The following DIP2B variants were observed in gnomAD, a reference collection of about 807,000 sequenced individuals.
DIP2B encodes disco-interacting protein 2 homolog B.
A neutral mutation model predicts 198.0 loss-of-function variants in DIP2B; 76 were observed. The observed-to-expected ratio is 0.38, with a 90% CI of 0.32 to 0.46. DIP2B has a LOEUF of 0.46. Ranked by LOEUF, DIP2B falls within the 20% of genes least tolerant of loss-of-function variation. DIP2B has a pLI of 0.99. For missense variants in DIP2B, 1,559 were observed against 1,978.4 expected (o/e 0.79, Z 4.02); for synonymous variants, 701 against 739.1 (o/e 0.95, Z 0.84).
At chr12:50,566,217 T>A (rs2139402627) in intron 1 of DIP2B, among the ~76,000 whole-genome samples, 1 of 152,194 alleles carries the variant, frequency 6.6e-6, no homozygotes, top group East Asian at 1.9e-4. Flanking sequence ...TAATTTGTTT[T>A]TTTGTAAAGT....
At chr12:50,555,857 T>C (rs1439484453) in intron 1 of DIP2B, among the ~76,000 whole-genome samples, 2 of 152,106 alleles carry the variant, frequency 1.3e-5, no homozygotes, top group Non-Finnish European at 2.9e-5. Flanking sequence ...TCTCCTGTGC[T>C]TCTCTGCTTC....
Position 50,733,488 on chromosome 12 carries a change from GACC to G in DIP2B, c.3982-645_3982-643del, listed in dbSNP as rs1309772870. 2.0e-5 allele frequency among the ~76,000 whole-genome samples: 3 copies of G among 152,194 alleles called. No homozygotes were observed. In the East Asian group the frequency reaches 5.8e-4, roughly 29 times the overall value. ...GGATTGCTTGAGCCCTGAAGTTTGAGACCAGCCTGGGCAACATAGTTGAGACCT... is the reference window on the plus strand; with the variant it reads ...GGATTGCTTGAGCCCTGAAGTTTGAGAGCCTGGGCAACATAGTTGAGACCT... On this transcript the variant is annotated intron_variant, in intron 32 of 37. Coordinates refer to ENST00000301180, the MANE Select transcript of DIP2B (RefSeq NM_173602.3).
chr12:50,593,550 G>C (rs1958838253), intron 1 of DIP2B, among the ~76,000 whole-genome samples: 1 of 151,054 alleles, frequency 6.6e-6, no homozygotes, highest in African/African-American at 2.4e-5. Flanking sequence ...TTAAGGATAT[G>C]TCCCAACCTA....
intron 1 of DIP2B, among the ~76,000 whole-genome samples, chr12:50,559,172 G>A (rs886422973): frequency 3.3e-5 from 5 of 152,092 alleles, no homozygotes; most frequent in Non-Finnish European, 7.4e-5. Flanking sequence ...ACTTCCCCAA[G>A]GGACAGACTT....
intron 23 of DIP2B, among the ~76,000 whole-genome samples, chr12:50,715,847 GA>G (rs1939704761): frequency 6.6e-6 from 1 of 152,200 alleles, no homozygotes; most frequent in South Asian, 2.1e-4. Flanking sequence ...TAAGGAAGAA[GA>G]ATAGGATACT....
At chr12:50,615,889 C>T (rs1195606809) in intron 1 of DIP2B, among the ~76,000 whole-genome samples, 1 of 152,202 alleles carries the variant, frequency 6.6e-6, no homozygotes, top group African/African-American at 2.4e-5. Flanking sequence ...TTGACTGAAC[C>T]ATCCCCTGGA....
At chr12:50,611,950 G>T (rs950386858) in intron 1 of DIP2B, among the ~76,000 whole-genome samples, 4 of 151,518 alleles carry the variant, frequency 2.6e-5, no homozygotes, top group Non-Finnish European at 5.9e-5. Flanking sequence ...TATAATCCCA[G>T]GACTTTAAGA....
chr12:50,567,302 CCA>C (rs886661435), intron 1 of DIP2B, among the ~76,000 whole-genome samples: 1 of 152,162 alleles, frequency 6.6e-6, no homozygotes, highest in South Asian at 2.1e-4. Flanking sequence ...TTGGTGCAAT[CCA>C]CAGATTTTAT....
intron 36 of DIP2B, among the ~76,000 whole-genome samples, chr12:50,740,997 G>A (rs142336251): frequency 3.0e-4 from 46 of 152,192 alleles, no homozygotes; most frequent in African/African-American, 9.6e-4. Context: ...CACTCCTGTC[G>A]CTGGGCTTGT....
intron 1 of DIP2B, among the ~76,000 whole-genome samples, chr12:50,515,951 T>C (rs1035610402): frequency 6.6e-6 from 1 of 152,180 alleles, no homozygotes; most frequent in South Asian, 2.1e-4. Context: ...TCTGCTGCTA[T>C]GACAAAATAC....
At chr12:50,570,664 C>T (rs184823977) in intron 1 of DIP2B, among the ~76,000 whole-genome samples, 8 of 152,372 alleles carry the variant, frequency 5.3e-5, no homozygotes, top group East Asian at 1.9e-4. Flanking sequence ...GAGCCGAGAT[C>T]GCGCCACTGC....
chr12:50,692,298 A>G (rs1180766536), intron 13 of DIP2B, among the ~76,000 whole-genome samples: 1 of 151,702 alleles, frequency 6.6e-6, no homozygotes, highest in Non-Finnish European at 1.5e-5. Flanking sequence ...ACATATACAC[A>G]CCAACTTTTT....
intron 1 of DIP2B, among the ~76,000 whole-genome samples, chr12:50,606,655 A>G (rs1372929461): frequency 6.6e-6 from 1 of 151,840 alleles, no homozygotes; most frequent in African/African-American, 2.4e-5. Flanking sequence ...TTGATTTGTA[A>G]TTTTTTTCTG....
intron 1 of DIP2B, among the ~76,000 whole-genome samples, chr12:50,555,765 GTCC>G: frequency 6.6e-6 from 1 of 151,976 alleles, no homozygotes; most frequent in East Asian, 1.9e-4. Context: ...GGCGCCTCAT[GTCC>G]TCCTCTTACT....
chr12:50,642,058 T>A (rs991155608), intron 3 of DIP2B, among the ~76,000 whole-genome samples: 3 of 152,110 alleles, frequency 2.0e-5, no homozygotes, highest in Non-Finnish European at 4.4e-5. Context: ...TCAGCTATTT[T>A]GTGAGCTGAT....
intron 22 of DIP2B, among the ~76,000 whole-genome samples, chr12:50,709,871 A>G (rs1004904641): frequency 2.0e-5 from 3 of 152,120 alleles, no homozygotes; most frequent in African/African-American, 7.2e-5. Context: ...CCAGCTACTC[A>G]GAAAGCTGAG....
chr12:50,565,939 C>T (rs1456925723), intron 1 of DIP2B, among the ~76,000 whole-genome samples: 2 of 150,684 alleles, frequency 1.3e-5, no homozygotes, highest in Non-Finnish European at 2.9e-5. Context: ...CGAAATTTAT[C>T]CATTTCATCT....
chr12:50,729,356 CG>C (rs1175272951), intron 30 of DIP2B, among the ~76,000 whole-genome samples: 3 of 152,280 alleles, frequency 2.0e-5, no homozygotes, highest in Admixed American at 2.0e-4. Flanking sequence ...TCCTTTGGCT[CG>C]GTTGTGCTAC....
At chr12:50,727,413 G>C (rs1939956341) in intron 28 of DIP2B, among the ~76,000 whole-genome samples, 1 of 152,192 alleles carries the variant, frequency 6.6e-6, no homozygotes, top group African/African-American at 2.4e-5. Flanking sequence ...TGAGGGTAGA[G>C]CTGGCATTTG....
Sources: allele counts gnomAD v4.1 joint callset (sites outside exome capture counted in the v4.1 genomes callset), GRCh38; gene constraint gnomAD v4.1.1; transcripts MANE v1.5; gene names NCBI Gene and HGNC (gene_info 2026-07-23, HGNC 2026-07-21).